Variants in CNBD1 observed in about 807,000 individuals in gnomAD.
CNBD1 encodes the protein cyclic nucleotide-binding domain-containing protein 1.
In CNBD1, 71 loss-of-function variants were observed where a neutral mutation model predicts 54.4. The ratio of observed to expected loss-of-function variants is 1.30; its 90% CI spans 1.08 to 1.59. The LOEUF (loss-of-function observed/expected upper bound fraction) is 1.59, where lower values mean the gene tolerates loss of function less well. Among genes scored for constraint, CNBD1 ranks in the 40% most tolerant of loss-of-function variants. The pLI, the probability that CNBD1 is intolerant of heterozygous loss-of-function variation, is 0.00. For synonymous variants in CNBD1, 182 were observed against 170.7 expected, an observed-to-expected ratio of 1.07 and a Z score of -0.51; for missense variants, 659 against 518.0, an observed-to-expected ratio of 1.27 and a Z score of -2.64.
intron 2 of CNBD1, among the ~76,000 whole-genome samples, chr8:87,422,150 A>G (rs1306862183): frequency 6.8e-6 from 1 of 146,042 alleles, no homozygotes; most frequent in Non-Finnish European, 1.5e-5. Context: ...AATTTGTTTG[A>G]GTTCATTGTA....
At chr8:87,078,777 G>A (rs989894549) in intron 4 of CNBD1, among the ~76,000 whole-genome samples, 2 of 152,154 alleles carry the variant, frequency 1.3e-5, no homozygotes, top group African/African-American at 2.4e-5. Flanking sequence ...ATGATTTAGA[G>A]TTGATCCAGA....
chr8:87,257,567 A>G (rs2011319647), intron 6 of CNBD1, among the ~76,000 whole-genome samples: 16 of 152,052 alleles, frequency 1.1e-4, no homozygotes, highest in Admixed American at 1.1e-3. Context: ...TATATTTTCC[A>G]TGATAAGTCA....
chr8:87,129,831 C>G (rs977830552), intron 4 of CNBD1, among the ~76,000 whole-genome samples: 3 of 151,910 alleles, frequency 2.0e-5, no homozygotes, highest in Admixed American at 6.6e-5. Context: ...TTGTATTAGT[C>G]CATTCTCACA....
chr8:87,271,300 T>C (rs1808358273), intron 6 of CNBD1, among the ~76,000 whole-genome samples: 1 of 151,922 alleles, frequency 6.6e-6, no homozygotes, highest in African/African-American at 2.4e-5. Context: ...TTATTTCCTT[T>C]CTTGCTTGCT....
intron 2 of CNBD1, among the ~76,000 whole-genome samples, chr8:86,889,715 A>G (rs570437901): frequency 6.6e-6 from 1 of 151,984 alleles, no homozygotes; most frequent in South Asian, 2.1e-4. Flanking sequence ...TTGAGTGCAA[A>G]TTTTTCATCC....
At chr8:87,276,319 T>G (rs547223345) in intron 6 of CNBD1, among the ~76,000 whole-genome samples, 1 of 151,964 alleles carries the variant, frequency 6.6e-6, no homozygotes, top group African/African-American at 2.4e-5. Context: ...GGAAAAAATA[T>G]CAAAATGAGA....
intron 5 of CNBD1, among the ~76,000 whole-genome samples, chr8:87,211,306 A>G (rs1814093475): frequency 1.3e-5 from 2 of 152,178 alleles, no homozygotes; most frequent in Admixed American, 1.3e-4. Context: ...TCAAACTCAG[A>G]TAAGACCTTG....
chr8:87,201,576 A>C (rs1417046696), intron 4 of CNBD1, among the ~76,000 whole-genome samples: 1 of 152,166 alleles, frequency 6.6e-6, no homozygotes, highest in African/African-American at 2.4e-5. Context: ...ACACACCATC[A>C]ATGAAAAATC....
chr8:86,936,828 AC>A (rs1357989449), intron 3 of CNBD1, among the ~76,000 whole-genome samples: 3 of 152,142 alleles, frequency 2.0e-5, no homozygotes, highest in Non-Finnish European at 2.9e-5. Flanking sequence ...ATCAGATTTT[AC>A]CCAGTATCAA....
intron 2 of CNBD1, among the ~76,000 whole-genome samples, chr8:87,400,691 C>G (rs916498721): frequency 3.3e-5 from 5 of 151,744 alleles, no homozygotes; most frequent in Non-Finnish European, 7.4e-5. Flanking sequence ...GTCTGTAATA[C>G]AAATTTAAGA....
rs184468551 is a variant in CNBD1 at position 87,374,329 on chromosome 8, C to G, written c.1304-8291C>G. On this transcript the variant is annotated intron_variant, in intron 10 of 10. Transcript: ENST00000518476. ...TGATTTTCACTCAATTTTTAGGAAG[C>G]CTGTAATAAAATAAAATGTGTTTCC... 2.6e-3 allele frequency among the ~76,000 whole-genome samples: 401 copies of G among 151,680 alleles called. 5 individuals carry two copies. Among genetic ancestry groups the G allele is most frequent in the Admixed American group, 0.01 (158 of 15,156 alleles).
chr8:87,060,107 TG>T (rs1397135888), intron 4 of CNBD1, among the ~76,000 whole-genome samples: 1 of 152,188 alleles, frequency 6.6e-6, no homozygotes, highest in African/African-American at 2.4e-5. Flanking sequence ...CAAGTTTTGC[TG>T]ACAACTTGAA....
At chr8:87,260,889 AT>A (rs1227642581) in intron 6 of CNBD1, among the ~76,000 whole-genome samples, 1 of 152,084 alleles carries the variant, frequency 6.6e-6, no homozygotes, top group East Asian at 1.9e-4. Flanking sequence ...TGAGGATCCC[AT>A]TTTTTATCTA....
At chr8:87,401,546 T>C (rs1807564380) in intron 2 of CNBD1, among the ~76,000 whole-genome samples, 1 of 152,096 alleles carries the variant, frequency 6.6e-6, no homozygotes, top group Non-Finnish European at 1.5e-5. Flanking sequence ...TTTATCTTTC[T>C]TGTTTTTTAT....
At chr8:87,098,556 T>C (rs938615293) in intron 4 of CNBD1, among the ~76,000 whole-genome samples, 1 of 152,016 alleles carries the variant, frequency 6.6e-6, no homozygotes, top group African/African-American at 2.4e-5. Context: ...GACATGAAGC[T>C]CTTTAGAGGT....
At chr8:87,337,573 A>G (rs538281034) in intron 8 of CNBD1, among the ~76,000 whole-genome samples, 3 of 152,342 alleles carry the variant, frequency 2.0e-5, no homozygotes, top group East Asian at 3.9e-4. Flanking sequence ...GTGTGGCTCC[A>G]TGGTGGTGAC....
chr8:86,896,924 A>T (rs1480225651), intron 2 of CNBD1, among the ~76,000 whole-genome samples: 1 of 152,254 alleles, frequency 6.6e-6, no homozygotes, highest in Non-Finnish European at 1.5e-5. Flanking sequence ...AAAAAAAATT[A>T]AAATGGCCAA....
At chr8:86,900,116 C>A (rs1808910733) in intron 2 of CNBD1, among the ~76,000 whole-genome samples, 1 of 152,136 alleles carries the variant, frequency 6.6e-6, no homozygotes, top group Non-Finnish European at 1.5e-5. Flanking sequence ...AACAACAGGG[C>A]TCTTTAGAGA....
chr8:87,018,295 C>G (rs1809410071), intron 4 of CNBD1, among the ~76,000 whole-genome samples: 2 of 152,154 alleles, frequency 1.3e-5, no homozygotes, highest in Admixed American at 1.3e-4. Context: ...CAATTTCTTA[C>G]TACATTTTAT....
Sources: allele counts gnomAD v4.1 joint callset (sites outside exome capture counted in the v4.1 genomes callset), GRCh38; gene constraint gnomAD v4.1.1; transcripts MANE v1.5; gene names NCBI Gene and HGNC (gene_info 2026-07-23, HGNC 2026-07-21).